EED: variants seen among roughly 807,000 people sequenced by gnomAD.
EED encodes the protein embryonic ectoderm development, also known as polycomb protein EED.
EED carries 9 observed loss-of-function variants against 61.0 expected under a neutral mutation model. That is an observed-to-expected ratio of 0.15 (90% CI 0.09 to 0.26). The LOEUF (loss-of-function observed/expected upper bound fraction) is 0.26. Among genes scored for constraint, EED ranks in the 10% least tolerant of loss-of-function variants. EED has a pLI of 1.00. For missense variants in EED, 315 were observed against 542.3 expected, an observed-to-expected ratio of 0.58 and a Z score of 4.16; for synonymous variants, 187 against 174.4, an observed-to-expected ratio of 1.07 and a Z score of -0.57.
downstream of EED, among the ~76,000 whole-genome samples, chr11:86,283,292 T>C (rs181299607): frequency 8.4e-4 from 128 of 152,262 alleles, no homozygotes; most frequent in African/African-American, 3.0e-3. Context: ...TAAATAAAAA[T>C]AGACCACCAA....
chr11:86,256,250 GTA>G (rs1945670404), intron 4 of EED, 135 bp from the exon 5 acceptor site: 1 of 727,196 alleles, frequency 1.4e-6, no homozygotes, highest in Non-Finnish European at 2.0e-6. Flanking sequence ...AATCACCATT[GTA>G]TATATTTGGT....
At chr11:86,265,946 C>T in intron 7 of EED, 137 bp from the exon 8 acceptor site, 1 of 631,988 alleles carries the variant, frequency 1.6e-6, no homozygotes, top group Non-Finnish European at 2.6e-6. Flanking sequence ...GATTTATGGC[C>T]TATTTAGATG....
rs1399389008 is a variant in EED at position 86,248,895 on chromosome 11, C to T, written c.115-1401C>T. Among the ~76,000 whole-genome samples, 4 of 152,160 alleles carry T rather than the reference C, an allele frequency of 2.6e-5. 1 individual carries two copies. Among genetic ancestry groups the T allele is most frequent in the Admixed American group, 2.6e-4 (4 of 15,282 alleles). Reference sequence around the variant, plus strand: ...GTGTGGTGGCCAGCTCCTGTTGTCCCAGCTACTCAGGAGGCTAAGGTGGGG... The same window carrying T: ...GTGTGGTGGCCAGCTCCTGTTGTCCTAGCTACTCAGGAGGCTAAGGTGGGG... On this transcript the variant is annotated intron_variant, in intron 1 of 11. Transcript: ENST00000263360.
intron 9 of EED, among the ~76,000 whole-genome samples, chr11:86,270,883 C>T (rs186823287): frequency 6.6e-6 from 1 of 152,250 alleles, no homozygotes; most frequent in African/African-American, 2.4e-5. Flanking sequence ...TATATCTGTC[C>T]CTCCACCAGT....
intron 9 of EED, among the ~76,000 whole-genome samples, chr11:86,271,351 A>G (rs540614254): frequency 2.6e-4 from 39 of 152,328 alleles, no homozygotes; most frequent in African/African-American, 6.7e-4. Flanking sequence ...TAGAAATATA[A>G]TTGATTTTTG....
At chr11:86,287,033 A>G in the EED span, among the ~76,000 whole-genome samples, 15 of 151,586 alleles carry the variant, frequency 9.9e-5, no homozygotes, top group African/African-American at 3.6e-4. Flanking sequence ...ATACACACAT[A>G]TAGAAAGTCC....
At chr11:86,246,010 A>AG (rs1177808594) in intron 1 of EED, among the ~76,000 whole-genome samples, 1 of 152,114 alleles carries the variant, frequency 6.6e-6, no homozygotes. Context: ...GATAAAGGTG[A>AG]GGGGGGTGGC....
At chr11:86,265,516 C>T (rs1945951888) in intron 7 of EED, 2 of 152,080 alleles carry the variant, frequency 1.3e-5, no homozygotes, top group South Asian at 4.2e-4. Context: ...CTGTTACATG[C>T]CTGTTAAAAA....
Position 86,245,187 on chromosome 11 carries a change from G to A in EED, c.-43G>A, listed in dbSNP as rs368534679. The A allele has an allele frequency of 5.6e-4, 861 of 1,541,022 alleles. 5 individuals are homozygous for A. The Middle Eastern group carries it at 6.5e-3, about 12-fold the overall frequency. On this transcript the variant is annotated 5_prime_UTR_variant, in exon 1 of 12. Coordinates refer to ENST00000263360, the MANE Select transcript of EED (RefSeq NM_003797.5). ...CTTGCTTGACGGCGGTGTGGCGGAGGCCCCGCCCCAGGCGGCAGGAACCTG... is the reference window on the plus strand; with the variant it reads ...CTTGCTTGACGGCGGTGTGGCGGAGACCCCGCCCCAGGCGGCAGGAACCTG...
intron 1 of EED, among the ~76,000 whole-genome samples, chr11:86,247,780 A>T (rs561003905): frequency 1.3e-5 from 2 of 152,360 alleles, no homozygotes; most frequent in East Asian, 3.9e-4. Context: ...GAGCCAAATA[A>T]TGGCAAAAGG....
chr11:86,270,909 C>G (rs915198629), intron 9 of EED, among the ~76,000 whole-genome samples: 5 of 152,298 alleles, frequency 3.3e-5, no homozygotes, highest in Admixed American at 1.3e-4. Context: ...ATACACAGTC[C>G]TCATTATTGT....
rs200197749 is a variant in EED, at chr11:86,252,145, T to C, written c.268-3T>C. ...CTTTTCTTATTTCATGATTATTTTATAGGAAGATCATAACCAACCATTGTT... is the reference window on the plus strand; with the variant it reads ...CTTTTCTTATTTCATGATTATTTTACAGGAAGATCATAACCAACCATTGTT... On this transcript the variant is annotated splice_region_variant and splice_polypyrimidine_tract_variant and intron_variant, in intron 2 of 11. Coordinates refer to ENST00000263360, the MANE Select transcript of EED (RefSeq NM_003797.5). The C allele has an allele frequency of 1.3e-4, 207 of 1,606,122 alleles. No individual in the cohort carries two copies. Among genetic ancestry groups the C allele is most frequent in the Non-Finnish European group, 1.7e-4 (194 of 1,174,560 alleles).
At position 86,272,143 on chromosome 11, in the gene EED, C is replaced by T. The variant is rs1273736793; in HGVS notation, c.966+3582C>T. ...CGCGATCTTGGCTCACTGCAAGCTC[C>T]GCCTCCTGGGTTGACACCATTCTCC... On this transcript the variant is annotated intron_variant, in intron 9 of 11. Coordinates refer to ENST00000263360, the MANE Select transcript of EED (RefSeq NM_003797.5). Among the ~76,000 whole-genome samples, 4 of 139,014 alleles carry T rather than the reference C, an allele frequency of 2.9e-5. 1 individual carries two copies. Among genetic ancestry groups the T allele is most frequent in the African/African-American group, 1.1e-4 (4 of 36,712 alleles). The allele number at this position is 139,014 out of a possible 152,430, so 91.2% of individuals were successfully genotyped here. A position where few individuals can be genotyped will look rare whatever the true frequency, so the allele number is the denominator to read the frequency against.
chr11:86,249,837 C>T (rs1945483394), intron 1 of EED, among the ~76,000 whole-genome samples: 1 of 152,226 alleles, frequency 6.6e-6, no homozygotes, highest in Non-Finnish European at 1.5e-5. Context: ...AACGGCTCCC[C>T]AGCTCCATGC....
In EED at chr11:86,278,671, TGTTTA is replaced by T; in HGVS notation, c.*147_*151del. The stretch of plus-strand genomic sequence containing the variant: ...GAGCTGAATGTAGTGATGTTTACAT[TGTTTA>T]CATTCTTTGTACTGTCTTCCTGCTC... On this transcript the variant is annotated 3_prime_UTR_variant, in exon 12 of 12. Transcript: ENST00000263360. The T allele has an allele frequency of 2.8e-6, 3 of 1,057,316 alleles. No homozygotes were observed. Among genetic ancestry groups the T allele is most frequent in the Non-Finnish European group, 3.9e-6 (3 of 768,870 alleles). The allele number at this position is 1,057,316 out of a possible 1,614,324, so 65.5% of individuals were successfully genotyped here. A position where few individuals can be genotyped will look rare whatever the true frequency, so the allele number is the denominator to read the frequency against.
intron 6 of EED, among the ~76,000 whole-genome samples, chr11:86,258,011 G>T (rs1945721042): frequency 2.0e-5 from 3 of 151,980 alleles, no homozygotes; most frequent in Admixed American, 2.0e-4. Context: ...ATTTTAGAGA[G>T]CCTCTCTGTT....
chr11:86,254,764 G>A (rs112055129), intron 3 of EED, among the ~76,000 whole-genome samples: 2,501 of 150,666 alleles, frequency 0.017, 74 homozygotes, highest in African/African-American at 0.058. Context: ...CTGGGATTAC[G>A]GGCATGTGCC....
At chr11:86,273,832 C>A (rs2138225566) in intron 9 of EED, among the ~76,000 whole-genome samples, 2 of 152,230 alleles carry the variant, frequency 1.3e-5, no homozygotes, top group East Asian at 3.9e-4. Flanking sequence ...GGATTGTTTT[C>A]TTTGCCTTTA....
chr11:86,245,017 G>C lies in EED; in HGVS notation c.-213G>C, dbSNP rs1404769609. On this transcript the variant is annotated 5_prime_UTR_variant, in exon 1 of 12. Coordinates refer to ENST00000263360, the MANE Select transcript of EED (RefSeq NM_003797.5). ...GGGAAGGAGCCAGGAAGCCGCGCGG[G>C]AGGGCGCGCGCGCGCGCCCCTTTTT... 1 of 472,146 alleles carries C rather than the reference G, an allele frequency of 2.1e-6. No individual in the cohort carries two copies. Among genetic ancestry groups the C allele is most frequent in the Admixed American group, 4.5e-5 (1 of 22,378 alleles). 29.2% of individuals were successfully genotyped at this position (472,146 alleles called of 1,614,324 possible).
Sources: allele counts gnomAD v4.1 joint callset (sites outside exome capture counted in the v4.1 genomes callset), GRCh38; gene constraint gnomAD v4.1.1; transcripts MANE v1.5; gene names NCBI Gene and HGNC (gene_info 2026-07-23, HGNC 2026-07-21).